The following WIF1 variants were observed in gnomAD, a reference collection of about 807,000 sequenced individuals.
WIF1 encodes Wnt inhibitory factor 1.
In WIF1, 35 loss-of-function variants were observed where a neutral mutation model predicts 53.5. That is an observed-to-expected ratio of 0.65 (90% confidence interval 0.50 to 0.87). The LOEUF (loss-of-function observed/expected upper bound fraction) is 0.87. Among genes scored for constraint, WIF1 ranks in the 40% least tolerant of loss-of-function variants. The pLI is 0.00. For synonymous variants in WIF1, 171 were observed against 170.4 expected (o/e 1.00, Z -0.03); for missense variants, 467 against 476.8 (o/e 0.98, Z 0.19).
At chr12:65,094,083 A>G (rs1883165415) in intron 2 of WIF1, among the ~76,000 whole-genome samples, 1 of 152,146 alleles carries the variant, frequency 6.6e-6, no homozygotes, top group Admixed American at 6.6e-5. Context: ...TTCCCCAAAC[A>G]TAGCCGCTGA....
intron 9 of WIF1, among the ~76,000 whole-genome samples, chr12:65,053,566 G>C (rs1052839804): frequency 1.3e-5 from 2 of 152,100 alleles, no homozygotes; most frequent in African/African-American, 4.8e-5. Context: ...TTTGCCTTCT[G>C]CCACGATTGT....
At chr12:65,119,595 A>G (rs967150987) in intron 2 of WIF1, among the ~76,000 whole-genome samples, 2 of 149,858 alleles carry the variant, frequency 1.3e-5, no homozygotes, top group Non-Finnish European at 3.0e-5. Context: ...GGTTTTAATT[A>G]TAATTATAAT....
intron 2 of WIF1, among the ~76,000 whole-genome samples, chr12:65,080,036 CT>C (rs1251740744): frequency 6.6e-6 from 1 of 152,116 alleles, no homozygotes; most frequent in Non-Finnish European, 1.5e-5. Flanking sequence ...CAATTTGCTG[CT>C]TTAAATCACA....
At chr12:65,070,646 C>T (rs753210200) in intron 3 of WIF1, among the ~76,000 whole-genome samples, 43 of 152,148 alleles carry the variant, frequency 2.8e-4, no homozygotes, top group Admixed American at 7.9e-4. Flanking sequence ...GAATCTTCCT[C>T]ACTGGACGCC....
intron 4 of WIF1, among the ~76,000 whole-genome samples, chr12:65,068,206 A>G (rs1882717237): frequency 6.6e-6 from 1 of 152,128 alleles, no homozygotes; most frequent in Non-Finnish European, 1.5e-5. Flanking sequence ...AAAAGCTTGT[A>G]TAGGGATGTG....
At chr12:65,086,535 A>G (rs962922035) in intron 2 of WIF1, among the ~76,000 whole-genome samples, 2 of 152,130 alleles carry the variant, frequency 1.3e-5, no homozygotes, top group African/African-American at 2.4e-5. Context: ...AGCATGGAGA[A>G]ACTTGAGAGC....
At chr12:65,069,245 G>A (rs1457124373) in intron 3 of WIF1, among the ~76,000 whole-genome samples, 6 of 152,292 alleles carry the variant, frequency 3.9e-5, no homozygotes, top group South Asian at 4.1e-4. Context: ...TTATGTATAC[G>A]TCAGTGTAGC....
intron 7 of WIF1, among the ~76,000 whole-genome samples, chr12:65,057,045 G>A (rs984125958): frequency 2.0e-5 from 3 of 152,184 alleles, no homozygotes; most frequent in African/African-American, 7.2e-5. Context: ...AGCAGGATCT[G>A]CATGCAGCTA....
chr12:65,086,283 T>G (rs920228340), intron 2 of WIF1, among the ~76,000 whole-genome samples: 1 of 152,100 alleles, frequency 6.6e-6, no homozygotes, highest in Non-Finnish European at 1.5e-5. Context: ...TCTGAAAACT[T>G]CTGTTCCCCT....
In WIF1 at chr12:65,077,831, C is replaced by T. The variant is rs1369239928; in HGVS notation, c.312G>A (p.Leu104=). 6.2e-7 allele frequency: 1 copy of T among 1,613,698 alleles called. No homozygotes were observed. Among genetic ancestry groups the T allele is most frequent in the Non-Finnish European group, 8.5e-7 (1 of 1,179,810 alleles). ...AGQAEYFYEF[L]SLRSLDKGIM... is the part of the protein sequence containing the mutation. Reference sequence around the variant, plus strand: ...TGCCTTTATCCAGGGAGCGCAAGGACAGGAATTCATAGAAGTATTCTGCCT... The same window carrying T: ...TGCCTTTATCCAGGGAGCGCAAGGATAGGAATTCATAGAAGTATTCTGCCT... Residue 104 remains leucine (L), a synonymous_variant, in exon 3 of 10, where the codon CTG becomes CTA. Transcript: ENST00000286574.
At chr12:65,112,105 G>A (rs1280645266) in intron 2 of WIF1, among the ~76,000 whole-genome samples, 1 of 152,164 alleles carries the variant, frequency 6.6e-6, no homozygotes, top group East Asian at 1.9e-4. Flanking sequence ...TCAAATATTT[G>A]AAGATGCAGG....
intron 7 of WIF1, among the ~76,000 whole-genome samples, chr12:65,060,788 A>G (rs1378936989): frequency 6.6e-6 from 1 of 152,224 alleles, no homozygotes; most frequent in Non-Finnish European, 1.5e-5. Flanking sequence ...ACCCATTTCC[A>G]TATTTTCCTG....
At chr12:65,108,910 C>T (rs566897264) in intron 2 of WIF1, among the ~76,000 whole-genome samples, 3 of 152,112 alleles carry the variant, frequency 2.0e-5, no homozygotes, top group African/African-American at 4.8e-5. Context: ...TACTTTTTCC[C>T]GTGCAAAGAC....
intron 8 of WIF1, among the ~76,000 whole-genome samples, chr12:65,055,700 G>C (rs1380367768): frequency 6.6e-6 from 1 of 151,724 alleles, no homozygotes; most frequent in Admixed American, 6.5e-5. Context: ...GCTTACACCT[G>C]GGGGGCGGAG....
rs771654724 is a variant in WIF1, at chr12:65,121,159, C to T, written c.33G>A (p.Ala11=). 28 of 1,546,206 alleles carry T rather than the reference C, an allele frequency of 1.8e-5. No homozygotes were observed. The African/African-American group carries it at 2.5e-4, about 14-fold the overall frequency. The change falls in exon 1 of 10, where the codon GCG becomes GCA. Residue 11 remains alanine, a synonymous_variant. Transcript: ENST00000286574. ...ACAGGAGGATGCTCCAGAGCCAGAG[C>T]GCGGCGGCAGGGAAGGCGCTCCTCC... The part of the protein sequence containing the change: MARRSAFPAA[A]LWLWSILLCL...
chr12:65,089,252 C>T (rs929630124), intron 2 of WIF1, among the ~76,000 whole-genome samples: 1 of 152,150 alleles, frequency 6.6e-6, no homozygotes, highest in African/African-American at 2.4e-5. Context: ...TTACCCAAGA[C>T]ATAAACTTGG....
intron 4 of WIF1, 93 bp downstream of exon 4, chr12:65,068,671 G>A: frequency 7.4e-7 from 1 of 1,355,684 alleles, no homozygotes; most frequent in Middle Eastern, 1.9e-4. Flanking sequence ...GTGTGTGTGT[G>A]TGTGTGTGTG....
At chr12:65,055,947 C>G in intron 8 of WIF1, 84 bp downstream of exon 8, 1 of 1,256,318 alleles carries the variant, frequency 8.0e-7, no homozygotes, top group Non-Finnish European at 1.1e-6. Flanking sequence ...GCAACATGCA[C>G]TAAGCACGGA....
intron 3 of WIF1, among the ~76,000 whole-genome samples, chr12:65,075,341 GACTTAA>G (rs1882845465): frequency 6.6e-6 from 1 of 152,180 alleles, no homozygotes; most frequent in Non-Finnish European, 1.5e-5. Context: ...TTACTTTAGA[GACTTAA>G]ATTAGCTCCG....
Sources: allele counts gnomAD v4.1 joint callset (sites outside exome capture counted in the v4.1 genomes callset), GRCh38; gene constraint gnomAD v4.1.1; transcripts MANE v1.5; gene names NCBI Gene and HGNC (gene_info 2026-07-23, HGNC 2026-07-21).